Variants in UGGT2 observed in about 807,000 individuals in gnomAD.
The protein encoded by UGGT2 is UDP-glucose glycoprotein glucosyltransferase 2.
In UGGT2, 180 loss-of-function variants were observed where a neutral mutation model predicts 192.1. The observed-to-expected ratio is 0.94, with a 90% CI of 0.83 to 1.06. UGGT2 has a LOEUF of 1.06. Among genes scored for constraint, UGGT2 ranks in the 50% least tolerant of loss-of-function variants. The pLI, the probability that UGGT2 is intolerant of heterozygous loss-of-function variation, is 0.00. For synonymous variants in UGGT2, 580 were observed against 591.0 expected (o/e 0.98, Z 0.27); for missense variants, 1,849 against 1,795.7 (o/e 1.03, Z -0.54).
Position 95,900,863 on chromosome 13 carries a change from A to G in UGGT2, c.2578T>C (p.Cys860Arg), listed in dbSNP as rs761144799. The G allele has an allele frequency of 3.7e-6, 6 of 1,611,910 alleles. No homozygotes were observed. The highest frequency in any genetic ancestry group is 5.1e-6 in the Non-Finnish European group (6 of 1,179,150). Residue 860 changes from cysteine to arginine, a missense_variant, in exon 22 of 39, where the codon TGT becomes CGT. Transcript: ENST00000376747. ...GGACGTAATTTAAGTACATCTTGAC[A>G]GAACAACTGGTGAGTTCGAAAAATA... ...VNIFRTHQLFCQDVLKLRPGE... is the reference protein window; with the variant it reads ...VNIFRTHQLFRQDVLKLRPGE...
At chr13:95,914,846 A>C (rs1340566235) in intron 20 of UGGT2, among the ~76,000 whole-genome samples, 1 of 152,032 alleles carries the variant, frequency 6.6e-6, no homozygotes, top group Non-Finnish European at 1.5e-5. Flanking sequence ...CAAAACTCTT[A>C]AGTATAAAAA....
At chr13:95,878,158 T>A (rs963210584) in intron 27 of UGGT2, among the ~76,000 whole-genome samples, 2 of 152,030 alleles carry the variant, frequency 1.3e-5, no homozygotes, top group Non-Finnish European at 2.9e-5. Context: ...TTAAAGAATC[T>A]GCTTCAGTTT....
intron 38 of UGGT2, among the ~76,000 whole-genome samples, chr13:95,815,112 A>C (rs1884762339): frequency 6.6e-6 from 1 of 152,248 alleles, no homozygotes; most frequent in Non-Finnish European, 1.5e-5. Context: ...CCCAAAGCTA[A>C]CATCATCCAT....
chr13:96,042,807 A>G (rs1202374112), intron 1 of UGGT2, among the ~76,000 whole-genome samples: 3 of 152,048 alleles, frequency 2.0e-5, no homozygotes, highest in Non-Finnish European at 4.4e-5. Context: ...CAATACAACA[A>G]AGACAAAGAA....
At chr13:95,886,348 G>A (rs146620832) in intron 26 of UGGT2, among the ~76,000 whole-genome samples, 2,046 of 152,192 alleles carry the variant, frequency 0.013, 23 homozygotes, top group Non-Finnish European at 0.021. Context: ...TGAACTACTA[G>A]TTAAAAAAAT....
intron 30 of UGGT2, among the ~76,000 whole-genome samples, chr13:95,865,061 G>A (rs1459745732): frequency 6.6e-6 from 1 of 152,166 alleles, no homozygotes; most frequent in South Asian, 2.1e-4. Context: ...TTCTATTGCA[G>A]TGACCCACTT....
chr13:95,820,136 G>C (rs1885350457), intron 38 of UGGT2, among the ~76,000 whole-genome samples: 1 of 146,450 alleles, frequency 6.8e-6, no homozygotes, highest in Admixed American at 6.9e-5. Context: ...CTGTGTGACA[G>C]AGTGAAACTG....
At chr13:95,832,890 C>T (rs746323689) in intron 38 of UGGT2, 37 bp downstream of exon 38, 29 of 1,605,866 alleles carry the variant, frequency 1.8e-5, no homozygotes, top group Middle Eastern at 1.7e-4. Flanking sequence ...ATTAATGCAA[C>T]GCATGTTTCA....
intron 37 of UGGT2, among the ~76,000 whole-genome samples, chr13:95,833,655 A>G (rs1276815623): frequency 2.0e-5 from 3 of 152,214 alleles, no homozygotes; most frequent in Non-Finnish European, 4.4e-5. Flanking sequence ...AAGGTTGATA[A>G]GAGTCTGACA....
chr13:95,982,609 G>C (rs1247436188), intron 10 of UGGT2, among the ~76,000 whole-genome samples: 1 of 152,018 alleles, frequency 6.6e-6, no homozygotes, highest in African/African-American at 2.4e-5. Flanking sequence ...CACTCTGTAG[G>C]CAGCCCGAAT....
rs140571954 is a variant in UGGT2, at chr13:96,008,177, T to C, written c.660+5130A>G. 6.2e-4 allele frequency among the ~76,000 whole-genome samples: 95 copies of C among 152,184 alleles called. 2 individuals carry two copies. In the East Asian group the frequency reaches 0.018, roughly 29 times the overall value. ...AAAGCACAGGCAACACAATTAAAAA[T>C]AGACAAGTGGAGTTAACATCAAGCT... On this transcript the variant is annotated intron_variant, in intron 5 of 38. Transcript: ENST00000376747.
At chr13:95,824,831 G>C (rs1885857021) in intron 38 of UGGT2, among the ~76,000 whole-genome samples, 2 of 152,016 alleles carry the variant, frequency 1.3e-5, no homozygotes, top group Admixed American at 1.3e-4. Flanking sequence ...ATCTTTTTTG[G>C]GGGTGTTAAA....
chr13:95,830,767 C>G (rs1210928458), intron 38 of UGGT2, among the ~76,000 whole-genome samples: 1 of 152,204 alleles, frequency 6.6e-6, no homozygotes, highest in African/African-American at 2.4e-5. Flanking sequence ...ACCCAGCCAT[C>G]CCATTACTGG....
At chr13:95,884,084 A>AAAAC (rs760204523) in intron 27 of UGGT2, among the ~76,000 whole-genome samples, 32,882 of 128,958 alleles carry the variant, frequency 0.25, 4,741 homozygotes, top group Non-Finnish European at 0.3. Context: ...AAAAAAAAAA[A>AAAAC]AACCAACAAC....
intron 38 of UGGT2, among the ~76,000 whole-genome samples, chr13:95,810,252 C>T (rs1265353446): frequency 6.6e-6 from 1 of 152,130 alleles, no homozygotes; most frequent in Non-Finnish European, 1.5e-5. Context: ...TGGTATTGCA[C>T]TAAACACGGT....
chr13:96,053,367 G>T lies in UGGT2; in HGVS notation c.-55C>A. ...GACCCGGTACCCACAGTCTGTGGCC[G>T]CCACGCTTCGGCCGGCTCTTCCCGC... On this transcript the variant is annotated 5_prime_UTR_variant, in exon 1 of 39. Transcript: ENST00000376747. 1 of 1,540,672 alleles carries T rather than the reference G, an allele frequency of 6.5e-7. No individual in the cohort carries two copies. Among genetic ancestry groups the T allele is most frequent in the East Asian group, 2.5e-5 (1 of 39,992 alleles).
intron 36 of UGGT2, among the ~76,000 whole-genome samples, chr13:95,845,765 TCA>T (rs1050001103): frequency 6.6e-6 from 1 of 151,330 alleles, no homozygotes. Context: ...GAGACACTCC[TCA>T]GTTCCCAGAC....
chr13:95,801,978 ACT>A (rs920370019), intron 38 of UGGT2, among the ~76,000 whole-genome samples, 166 bp from the exon 39 acceptor site: 1 of 152,184 alleles, frequency 6.6e-6, no homozygotes, highest in African/African-American at 2.4e-5. Context: ...CTCTTTGTAC[ACT>A]GTGATGTCTA....
At chr13:96,050,300 C>T (rs1229424430) in intron 1 of UGGT2, among the ~76,000 whole-genome samples, 2 of 152,060 alleles carry the variant, frequency 1.3e-5, no homozygotes, top group Non-Finnish European at 2.9e-5. Context: ...AAACTGGATC[C>T]CTTCCTTACA....
Sources: allele counts gnomAD v4.1 joint callset (sites outside exome capture counted in the v4.1 genomes callset), GRCh38; gene constraint gnomAD v4.1.1; transcripts MANE v1.5; gene names NCBI Gene and HGNC (gene_info 2026-07-23, HGNC 2026-07-21).